The following AMMECR1 variants were observed in gnomAD, a reference collection of about 807,000 sequenced individuals.
AMMECR1 encodes nuclear protein AMMECR1.
In AMMECR1, 3 loss-of-function variants were observed where a neutral mutation model predicts 22.5. The observed-to-expected ratio is 0.13, with a 90% CI of 0.06 to 0.35. The LOEUF (loss-of-function observed/expected upper bound fraction) is 0.35. AMMECR1 is among the 10% of genes least tolerant of loss of function. The pLI, the probability that AMMECR1 is intolerant of heterozygous loss-of-function variation, is 1.00. For synonymous variants in AMMECR1, 130 were observed against 116.7 expected (o/e 1.11, Z -0.74); for missense variants, 235 against 278.7 (o/e 0.84, Z 1.12).
At chrX:110,403,932 TG>T (rs2068581082) in intron 2 of AMMECR1, among the ~76,000 whole-genome samples, 1 of 112,171 alleles carries the variant, frequency 8.9e-6, no homozygotes, top group Non-Finnish European at 1.9e-5. Context: ...AGCCTCCCAC[TG>T]TCTTATAATG....
chrX:110,280,444 T>A (rs2067846821), intron 1 of AMMECR1, among the ~76,000 whole-genome samples: 1 of 111,372 alleles, frequency 9.0e-6, no homozygotes, highest in South Asian at 3.7e-4. Flanking sequence ...AAAACAAAAA[T>A]TCACTAGAAA....
chrX:110,356,493 G>C (rs2068231179), intron 2 of AMMECR1, among the ~76,000 whole-genome samples: 1 of 110,553 alleles, frequency 9.0e-6, no homozygotes, highest in Admixed American at 9.7e-5. Flanking sequence ...TGCACTACAT[G>C]GTAACCACAG....
intron 2 of AMMECR1, among the ~76,000 whole-genome samples, chrX:110,374,324 G>A (rs2068360367): frequency 8.9e-6 from 1 of 111,783 alleles, no homozygotes; most frequent in African/African-American, 3.3e-5. Context: ...CTGGGCCAGG[G>A]TATATGCACA....
rs752112266 is a variant in AMMECR1 at position 110,216,504 on chromosome X, TTCTATAA to T, written c.699+7_699+13del. The T allele has an allele frequency of 2.9e-5, 33 of 1,144,542 alleles. No individual in the cohort carries two copies. Among genetic ancestry groups the T allele is most frequent in the Non-Finnish European group, 3.6e-6 (3 of 841,415 alleles). The allele number at this position is 1,144,542 out of a possible 1,213,427, so 94.3% of individuals were successfully genotyped here. A position where few individuals can be genotyped will look rare whatever the true frequency, so the allele number is the denominator to read the frequency against. On this transcript the variant is annotated splice_region_variant and intron_variant, in intron 3 of 5. Transcript: ENST00000262844. ...TACCTTCATTTTTCTTTAAAAATTTTTCTATAATCTTACCTCCCAGTCCAAATAATCA... is the reference window on the plus strand; with the variant it reads ...TACCTTCATTTTTCTTTAAAAATTTTTCTTACCTCCCAGTCCAAATAATCA...
At chrX:110,324,889 T>C (rs897049790) in intron 2 of AMMECR1, among the ~76,000 whole-genome samples, 28 of 111,412 alleles carry the variant, frequency 2.5e-4, no homozygotes, top group African/African-American at 3.3e-5. Context: ...CTGGATCCAT[T>C]TACTAGTATT....
At chrX:110,417,004 C>T (rs1283525234) in intron 2 of AMMECR1, among the ~76,000 whole-genome samples, 3 of 112,379 alleles carry the variant, frequency 2.7e-5, no homozygotes, top group South Asian at 3.7e-4. Flanking sequence ...CACAGCTAGG[C>T]GCTGGGTGGC....
At position 110,219,010 on chromosome X, in the gene AMMECR1, T is replaced by C. The variant is rs766825090; in HGVS notation, c.585-2378A>G. 6.2e-5 allele frequency among the ~76,000 whole-genome samples: 7 copies of C among 112,200 alleles called. No homozygotes were observed. In the South Asian group the frequency reaches 2.6e-3, roughly 41 times the overall value. ...CATTGCCTAATAATATTTCATTGTA[T>C]GGATACACCAAATTTTGTTACCTAT... On this transcript the variant is annotated intron_variant, in intron 2 of 5. Transcript: ENST00000262844.
At chrX:110,400,508 C>T (rs1418062745) in intron 2 of AMMECR1, among the ~76,000 whole-genome samples, 2 of 110,538 alleles carry the variant, frequency 1.8e-5, no homozygotes, top group South Asian at 3.9e-4. Flanking sequence ...CTTCTGACTC[C>T]TCCTACAGTG....
chrX:110,370,339 G>T (rs898947329), intron 2 of AMMECR1, among the ~76,000 whole-genome samples: 1 of 111,456 alleles, frequency 9.0e-6, no homozygotes, highest in African/African-American at 3.3e-5. Flanking sequence ...CTCCCCAGTA[G>T]CTAGGATTAC....
chrX:110,282,038 A>G (rs1302380959), intron 1 of AMMECR1, among the ~76,000 whole-genome samples: 1 of 112,014 alleles, frequency 8.9e-6, no homozygotes, highest in Non-Finnish European at 1.9e-5. Context: ...GTCTAGGCCC[A>G]AGAAATACTG....
intron 2 of AMMECR1, among the ~76,000 whole-genome samples, chrX:110,375,546 A>T (rs902427637): frequency 2.7e-5 from 3 of 110,468 alleles, no homozygotes; most frequent in Non-Finnish European, 3.8e-5. Flanking sequence ...AGATGAATGA[A>T]TGAATGAATG....
intron 1 of AMMECR1, among the ~76,000 whole-genome samples, chrX:110,286,947 T>C (rs1359798780): frequency 2.7e-5 from 3 of 111,779 alleles, no homozygotes; most frequent in African/African-American, 9.8e-5. Context: ...AAGTTAATAG[T>C]TTCTTGAGCT....
At chrX:110,200,909 T>G in intron 5 of AMMECR1, 45 bp downstream of exon 5, 1 of 991,040 alleles carries the variant, frequency 1.0e-6, no homozygotes, top group African/African-American at 1.9e-5. Flanking sequence ...GGCATACACA[T>G]CAAAATGTAC....
At chrX:110,352,355 C>T (rs565178730) in intron 2 of AMMECR1, among the ~76,000 whole-genome samples, 3 of 112,256 alleles carry the variant, frequency 2.7e-5, no homozygotes, top group Admixed American at 9.4e-5. Context: ...GGTGGTATAC[C>T]CATACAATGG....
intron 1 of AMMECR1, among the ~76,000 whole-genome samples, chrX:110,302,549 G>T (rs751047174): frequency 3.6e-5 from 4 of 111,586 alleles, no homozygotes; most frequent in Non-Finnish European, 7.5e-5. Flanking sequence ...AAGCTCCAGA[G>T]AGAAACTATA....
At chrX:110,398,618 A>G (rs2068543675) in intron 2 of AMMECR1, among the ~76,000 whole-genome samples, 2 of 111,997 alleles carry the variant, frequency 1.8e-5, no homozygotes, top group African/African-American at 6.5e-5. Flanking sequence ...GAACTAGGAC[A>G]CAGCAGAAGA....
At chrX:110,260,488 A>G (rs2067734781) in intron 2 of AMMECR1, among the ~76,000 whole-genome samples, 1 of 111,220 alleles carries the variant, frequency 9.0e-6, no homozygotes, top group South Asian at 3.7e-4. Flanking sequence ...ATATTTGAAC[A>G]TACAACTTGA....
At chrX:110,318,217 A>G, upstream of AMMECR1, 6 of 339,592 alleles carry the variant, frequency 1.8e-5, no homozygotes, top group Non-Finnish European at 1.9e-5. Context: ...CCGTCTGCCT[A>G]GCCACGCGGC....
chrX:110,316,659 A>G (rs922720245), intron 1 of AMMECR1, among the ~76,000 whole-genome samples: 1 of 111,064 alleles, frequency 9.0e-6, no homozygotes, highest in African/African-American at 3.3e-5. Flanking sequence ...TAGCTGTAAC[A>G]GTGCTATTTT....
Sources: gnomAD v4.1 joint callset for allele counts (sites outside exome capture counted in the v4.1 genomes callset) on GRCh38, gnomAD v4.1.1 for gene constraint, MANE v1.5 for transcripts, NCBI Gene and HGNC (gene_info 2026-07-23, HGNC 2026-07-21) for gene names.